COL24A1: variants seen among roughly 807,000 people sequenced by gnomAD.
The protein encoded by COL24A1 is collagen type XXIV alpha 1 chain, also known as collagen alpha-1(XXIV) chain.
COL24A1 carries 224 observed loss-of-function variants against 253.9 expected under a neutral mutation model. That is an observed-to-expected ratio of 0.88 (90% confidence interval 0.79 to 0.99). The LOEUF (loss-of-function observed/expected upper bound fraction) is 0.99, where lower values mean the gene tolerates loss of function less well. Among genes scored for constraint, COL24A1 ranks in the 50% least tolerant of loss-of-function variants. COL24A1 has a pLI of 0.00. For missense variants in COL24A1, 2,131 were observed against 2,068.5 expected, an observed-to-expected ratio of 1.03 and a Z score of -0.59; for synonymous variants, 685 against 673.7, an observed-to-expected ratio of 1.02 and a Z score of -0.26.
At chr1:85,803,518 T>C (rs1015680726) in intron 47 of COL24A1, among the ~76,000 whole-genome samples, 1 of 150,894 alleles carries the variant, frequency 6.6e-6, no homozygotes, top group African/African-American at 2.4e-5. Flanking sequence ...ATAGTATATA[T>C]ACCATGTATT....
intron 23 of COL24A1, among the ~76,000 whole-genome samples, chr1:85,964,024 A>G (rs1691329001): frequency 6.6e-6 from 1 of 152,174 alleles, no homozygotes; most frequent in South Asian, 2.1e-4. Flanking sequence ...ACATACTGAT[A>G]TATTAAAACA....
chr1:86,054,910 G>T (rs375442574), intron 10 of COL24A1, among the ~76,000 whole-genome samples: 11 of 152,080 alleles, frequency 7.2e-5, no homozygotes, highest in East Asian at 3.9e-4. Flanking sequence ...ATCAACAGTG[G>T]ACTGCATGAA....
At chr1:86,142,872 C>G (rs571390875) in intron 2 of COL24A1, among the ~76,000 whole-genome samples, 7 of 151,842 alleles carry the variant, frequency 4.6e-5, no homozygotes, top group Admixed American at 6.6e-5. Context: ...TGTAACCTTC[C>G]AAAACATCAA....
intron 47 of COL24A1, among the ~76,000 whole-genome samples, chr1:85,809,625 G>A (rs1672325400): frequency 6.6e-6 from 1 of 151,828 alleles, no homozygotes. Context: ...ACAATAAAAG[G>A]GGCACAGTTC....
intron 24 of COL24A1, among the ~76,000 whole-genome samples, chr1:85,953,553 A>G (rs538972948): frequency 5.9e-5 from 9 of 152,340 alleles, no homozygotes; most frequent in South Asian, 4.1e-4. Context: ...TCTAGCACAC[A>G]TTAAGTGTTC....
intron 53 of COL24A1, among the ~76,000 whole-genome samples, chr1:85,771,895 C>A (rs1668007417): frequency 6.7e-6 from 1 of 148,856 alleles, no homozygotes; most frequent in Non-Finnish European, 1.5e-5. Flanking sequence ...GTGCGCTGCA[C>A]CCACTAACTC....
Position 85,729,403 on chromosome 1 carries a change from C to T in COL24A1, c.*1143G>A, listed in dbSNP as rs1463939717. ...CAAGGAGACATTGAACTGGCTGAGCCTATTTTAAATGGGAAAAGACTTTTT... is the reference window on the plus strand; with the variant it reads ...CAAGGAGACATTGAACTGGCTGAGCTTATTTTAAATGGGAAAAGACTTTTT... On this transcript the variant is annotated 3_prime_UTR_variant, in exon 60 of 60. Coordinates refer to ENST00000370571, the MANE Select transcript of COL24A1 (RefSeq NM_152890.7). 4 of 143,840 alleles carry T rather than the reference C, an allele frequency of 2.8e-5. No homozygotes were observed. The South Asian group carries it at 6.7e-4, about 24-fold the overall frequency. 8.9% of individuals were successfully genotyped at this position (143,840 alleles called of 1,614,324 possible). A position where few individuals can be genotyped will look rare whatever the true frequency, so the allele number is the denominator to read the frequency against.
intron 46 of COL24A1, 39 bp from the exon 47 acceptor site, chr1:85,816,934 A>G (rs1346320622): frequency 4.3e-6 from 6 of 1,388,952 alleles, no homozygotes; most frequent in Middle Eastern, 1.8e-4. Context: ...AGAGATGCTG[A>G]AAAGATGTTA....
intron 19 of COL24A1, among the ~76,000 whole-genome samples, chr1:85,989,124 G>T (rs1438803672): frequency 6.6e-6 from 1 of 151,588 alleles, no homozygotes; most frequent in Admixed American, 6.6e-5. Context: ...GTTTTTTTGT[G>T]GGGGGGATTT....
intron 53 of COL24A1, among the ~76,000 whole-genome samples, chr1:85,771,778 T>TTTTATTTATTTATTTATTTATTTATTTA (rs200015208): frequency 6.8e-6 from 1 of 146,578 alleles, no homozygotes; most frequent in African/African-American, 2.5e-5. Context: ...TGCCTGACTT[T>TTTTATTTATTTATTTATTTATTTATTTA]TTTATTTATT....
chr1:85,941,233 T>C (rs1571305703), intron 24 of COL24A1, among the ~76,000 whole-genome samples: 1 of 152,320 alleles, frequency 6.6e-6, no homozygotes, highest in East Asian at 1.9e-4. Context: ...ATTTCTTCCA[T>C]GCAGACCTCA....
chr1:85,909,236 A>AAAAAC (rs1023437842), intron 26 of COL24A1, among the ~76,000 whole-genome samples: 3 of 151,790 alleles, frequency 2.0e-5, no homozygotes, highest in African/African-American at 7.2e-5. Context: ...GCATAGCTTA[A>AAAAAC]AAAACAAAAC....
At chr1:86,088,078 A>G (rs1424708378) in intron 7 of COL24A1, among the ~76,000 whole-genome samples, 1 of 152,242 alleles carries the variant, frequency 6.6e-6, no homozygotes, top group African/African-American at 2.4e-5. Context: ...TTAAGGGCTG[A>G]CAATTTATGT....
chr1:85,811,413 C>A (rs940099535), intron 47 of COL24A1, among the ~76,000 whole-genome samples: 5 of 152,024 alleles, frequency 3.3e-5, no homozygotes, highest in Admixed American at 3.3e-4. Flanking sequence ...TTAAAAAAAT[C>A]TTTTACATTC....
At chr1:85,813,532 C>CTTTTTTTTTTTTTTTTT (rs765607746) in intron 47 of COL24A1, among the ~76,000 whole-genome samples, 1 of 76,246 alleles carries the variant, frequency 1.3e-5, no homozygotes, top group Admixed American at 1.6e-4. Context: ...TCATTCAGGT[C>CTTTTTTTTTTTTTTTTT]TTTTTTTTTT....
intron 24 of COL24A1, 132 bp downstream of exon 24, chr1:85,961,117 A>G: frequency 1.4e-6 from 1 of 690,672 alleles, no homozygotes; most frequent in Admixed American, 3.0e-5. Context: ...ATCACAAGTA[A>G]GTTTAAATTT....
intron 6 of COL24A1, 60 bp from the exon 7 acceptor site, chr1:86,089,287 T>C: frequency 4.4e-6 from 6 of 1,348,988 alleles, no homozygotes; most frequent in Non-Finnish European, 6.2e-6. Flanking sequence ...AGAATTCTCT[T>C]GAAAATTAAA....
At chr1:85,984,434 T>A (rs1693533935) in intron 20 of COL24A1, among the ~76,000 whole-genome samples, 1 of 151,842 alleles carries the variant, frequency 6.6e-6, no homozygotes, top group South Asian at 2.1e-4. Flanking sequence ...CCCACTAAAT[T>A]GTAACCTTAT....
chr1:86,118,706 G>A (rs1706403411), intron 3 of COL24A1, among the ~76,000 whole-genome samples: 2 of 152,092 alleles, frequency 1.3e-5, no homozygotes, highest in Non-Finnish European at 2.9e-5. Flanking sequence ...TTAATATGGT[G>A]GACCTAATTT....
Sources: allele counts gnomAD v4.1 joint callset (sites outside exome capture counted in the v4.1 genomes callset), GRCh38; gene constraint gnomAD v4.1.1; transcripts MANE v1.5; gene names NCBI Gene and HGNC (gene_info 2026-07-23, HGNC 2026-07-21).